SLC25A13: variants seen among roughly 807,000 people sequenced by gnomAD.
The protein encoded by SLC25A13 is solute carrier family 25 member 13, also known as electrogenic aspartate/glutamate antiporter SLC25A13, mitochondrial.
In SLC25A13, 70 loss-of-function variants were observed where a neutral mutation model predicts 85.5. That is an observed-to-expected ratio of 0.82 (90% CI 0.68 to 1.00). The LOEUF is 1.00. SLC25A13 is among the 50% of genes least tolerant of loss of function. SLC25A13 has a pLI of 0.00. For synonymous variants in SLC25A13, 259 were observed against 288.7 expected (o/e 0.90, Z 1.04); for missense variants, 765 against 819.8 (o/e 0.93, Z 0.82).
chr7:96,289,165 A>G (rs993604402), intron 2 of SLC25A13, among the ~76,000 whole-genome samples: 1 of 152,228 alleles, frequency 6.6e-6, no homozygotes, highest in African/African-American at 2.4e-5. Flanking sequence ...GTGGACCTCC[A>G]TCAAACTCCA....
At chr7:96,183,265 T>C (rs1584421443) in intron 11 of SLC25A13, among the ~76,000 whole-genome samples, 1 of 152,186 alleles carries the variant, frequency 6.6e-6, no homozygotes, top group East Asian at 1.9e-4. Context: ...GCTTCTAAGG[T>C]GAGAGGTTTC....
chr7:96,193,828 A>G (rs1016850907), intron 5 of SLC25A13, among the ~76,000 whole-genome samples: 1 of 152,198 alleles, frequency 6.6e-6, no homozygotes, highest in African/African-American at 2.4e-5. Context: ...GCATAGAGCC[A>G]TATGTCTTGA....
At chr7:96,309,214 G>A (rs1003197192) in intron 1 of SLC25A13, among the ~76,000 whole-genome samples, 1 of 152,216 alleles carries the variant, frequency 6.6e-6, no homozygotes, top group Non-Finnish European at 1.5e-5. Context: ...GGCTGAAACA[G>A]CAGCAATGGA....
chr7:96,247,091 T>C (rs563336337), intron 3 of SLC25A13, among the ~76,000 whole-genome samples: 1 of 152,352 alleles, frequency 6.6e-6, no homozygotes, highest in Admixed American at 6.5e-5. Flanking sequence ...TGGTTCTTTA[T>C]GCTTAAAGAT....
intron 3 of SLC25A13, among the ~76,000 whole-genome samples, chr7:96,263,876 T>C (rs184751461): frequency 1.3e-3 from 204 of 152,200 alleles, no homozygotes; most frequent in African/African-American, 4.6e-3. Flanking sequence ...ATTTCATGCA[T>C]CTCACTTTAT....
At position 96,260,262 on chromosome 7, in the gene SLC25A13, A is replaced by T. The variant is rs192157603; in HGVS notation, c.212+16934T>A. 3.9e-3 allele frequency among the ~76,000 whole-genome samples: 599 copies of T among 152,208 alleles called. 19 individuals are homozygous for T. Among genetic ancestry groups the T allele is most frequent in the Admixed American group, 0.036 (554 of 15,272 alleles). Reference sequence around the variant, plus strand: ...AACTGATTCCAGGTTCAGGGCAGGAAATATATAAAATAACAACCTATTTTG... The same window carrying T: ...AACTGATTCCAGGTTCAGGGCAGGATATATATAAAATAACAACCTATTTTG... On this transcript the variant is annotated intron_variant, in intron 3 of 17. Transcript: ENST00000265631.
intron 14 of SLC25A13, among the ~76,000 whole-genome samples, chr7:96,134,846 A>C (rs1447686951): frequency 7.4e-6 from 1 of 135,166 alleles, no homozygotes; most frequent in Non-Finnish European, 1.6e-5. Flanking sequence ...GCAACACTAA[A>C]GGAAAAATGC....
At chr7:96,277,393 A>G in intron 2 of SLC25A13, 55 bp from the exon 3 acceptor site, 1 of 1,517,404 alleles carries the variant, frequency 6.6e-7, no homozygotes, top group South Asian at 1.2e-5. Flanking sequence ...AACAGTATAT[A>G]ATCATGAGAG....
intron 2 of SLC25A13, among the ~76,000 whole-genome samples, chr7:96,279,233 G>A (rs886750729): frequency 1.8e-4 from 28 of 152,046 alleles, no homozygotes; most frequent in African/African-American, 6.0e-4. Flanking sequence ...TATATTTGTT[G>A]CAAATATTTT....
intron 2 of SLC25A13, among the ~76,000 whole-genome samples, chr7:96,293,282 GA>G (rs1282016984): frequency 1.3e-5 from 2 of 152,138 alleles, no homozygotes; most frequent in Non-Finnish European, 2.9e-5. Context: ...ATTAATTCAA[GA>G]TGGATTAAAG....
intron 11 of SLC25A13, among the ~76,000 whole-genome samples, chr7:96,172,745 A>T (rs192417361): frequency 6.6e-6 from 1 of 151,710 alleles, no homozygotes; most frequent in Non-Finnish European, 1.5e-5. Flanking sequence ...CCGTACCTCA[A>T]TGAGGACAAG....
chr7:96,249,033 C>T (rs1209468383), intron 3 of SLC25A13, among the ~76,000 whole-genome samples: 1 of 152,152 alleles, frequency 6.6e-6, no homozygotes. Flanking sequence ...AAGCTGGGCA[C>T]AATTGCACGT....
At chr7:96,224,327 T>C (rs562545622) in intron 4 of SLC25A13, among the ~76,000 whole-genome samples, 2 of 152,298 alleles carry the variant, frequency 1.3e-5, no homozygotes, top group Middle Eastern at 3.4e-3. Context: ...TCCAAAGACC[T>C]TGTAGTGACT....
chr7:96,208,343 T>C (rs901035991), intron 5 of SLC25A13, among the ~76,000 whole-genome samples: 2 of 152,152 alleles, frequency 1.3e-5, no homozygotes, highest in South Asian at 2.1e-4. Flanking sequence ...TTTCAACATA[T>C]TAATAAAGAA....
chr7:96,239,487 C>T (rs114525203), intron 3 of SLC25A13, among the ~76,000 whole-genome samples: 4,784 of 152,098 alleles, frequency 0.031, 189 homozygotes, highest in African/African-American at 0.091. Flanking sequence ...AAGTTCAGAC[C>T]TGGCTGGTGA....
chr7:96,278,838 C>T (rs1798558908), intron 2 of SLC25A13, among the ~76,000 whole-genome samples: 1 of 152,058 alleles, frequency 6.6e-6, no homozygotes, highest in Admixed American at 6.6e-5. Flanking sequence ...TTTGATTTTC[C>T]TAACTGAGCC....
At chr7:96,284,894 C>A (rs377590996) in intron 2 of SLC25A13, among the ~76,000 whole-genome samples, 1 of 152,200 alleles carries the variant, frequency 6.6e-6, no homozygotes, top group Non-Finnish European at 1.5e-5. Flanking sequence ...TTATTAGCAG[C>A]ATGAGAACAG....
intron 1 of SLC25A13, among the ~76,000 whole-genome samples, chr7:96,299,970 AT>A (rs1278878494): frequency 6.6e-6 from 1 of 152,234 alleles, no homozygotes; most frequent in Non-Finnish European, 1.5e-5. Context: ...CTCCACTATA[AT>A]TTATGGAGCC....
intron 2 of SLC25A13, among the ~76,000 whole-genome samples, chr7:96,286,461 T>C (rs999693820): frequency 1.3e-5 from 2 of 152,112 alleles, no homozygotes; most frequent in African/African-American, 4.8e-5. Flanking sequence ...TTGTTTTCTT[T>C]GCCTAAAAAG....
Sources: allele counts gnomAD v4.1 joint callset (sites outside exome capture counted in the v4.1 genomes callset), GRCh38; gene constraint gnomAD v4.1.1; transcripts MANE v1.5; gene names NCBI Gene and HGNC (gene_info 2026-07-23, HGNC 2026-07-21).